GAS2: variants seen among roughly 807,000 people sequenced by gnomAD.
GAS2 encodes the protein growth arrest specific 2, also known as growth arrest-specific protein 2.
Under a neutral mutation model 37.5 loss-of-function variants are expected in GAS2, and 20 were observed. That is an observed-to-expected ratio of 0.53 (90% CI 0.37 to 0.77). The LOEUF (loss-of-function observed/expected upper bound fraction) is 0.77. Ranked by LOEUF, GAS2 falls within the 30% of genes least tolerant of loss-of-function variation. GAS2 has a pLI of 0.00. For missense variants in GAS2, 336 were observed against 373.4 expected (o/e 0.90, Z 0.82); for synonymous variants, 144 against 132.2 (o/e 1.09, Z -0.61).
At chr11:22,784,516 G>C (rs1855732698) in intron 7 of GAS2, among the ~76,000 whole-genome samples, 1 of 152,130 alleles carries the variant, frequency 6.6e-6, no homozygotes, top group African/African-American at 2.4e-5. Flanking sequence ...CTGTAGAATG[G>C]ATATAGAAAT....
intron 7 of GAS2, among the ~76,000 whole-genome samples, chr11:22,793,319 C>A (rs866599977): frequency 1.1e-4 from 17 of 151,866 alleles, no homozygotes; most frequent in Non-Finnish European, 1.6e-4. Context: ...TTAAAAAGAA[C>A]ATAATTACAA....
At chr11:22,700,290 G>T (rs1052658476) in intron 3 of GAS2, among the ~76,000 whole-genome samples, 1 of 152,152 alleles carries the variant, frequency 6.6e-6, no homozygotes, top group Admixed American at 6.5e-5. Context: ...TTTAGATCCA[G>T]AATACTGTTA....
At chr11:22,806,356 C>T (rs917220374) in intron 7 of GAS2, among the ~76,000 whole-genome samples, 1 of 152,112 alleles carries the variant, frequency 6.6e-6, no homozygotes, top group Non-Finnish European at 1.5e-5. Flanking sequence ...CATTAACGGA[C>T]ATGTAGGTTG....
intron 3 of GAS2, 72 bp downstream of exon 3, chr11:22,685,861 A>G: frequency 6.8e-7 from 1 of 1,465,072 alleles, no homozygotes; most frequent in Non-Finnish European, 9.2e-7. Context: ...AATTGTGTGT[A>G]ATTAAAAAAT....
intron 2 of GAS2, among the ~76,000 whole-genome samples, chr11:22,682,749 A>ATGCCTG (rs1849742452): frequency 6.6e-6 from 1 of 151,456 alleles, no homozygotes; most frequent in African/African-American, 2.4e-5. Context: ...ATGGTAGTGC[A>ATGCCTG]TGCCTGTAGT....
At chr11:22,639,829 G>T (rs1462841595) in intron 1 of GAS2, among the ~76,000 whole-genome samples, 4 of 152,118 alleles carry the variant, frequency 2.6e-5, no homozygotes, top group Non-Finnish European at 4.4e-5. Context: ...ATTCTACTTA[G>T]TGTACAGCAG....
intron 7 of GAS2, among the ~76,000 whole-genome samples, chr11:22,786,988 C>G (rs994725638): frequency 6.6e-6 from 1 of 152,086 alleles, no homozygotes. Flanking sequence ...TGAAGTGAGG[C>G]CTGATAATCC....
At chr11:22,724,075 A>G (rs1317161511) in intron 3 of GAS2, among the ~76,000 whole-genome samples, 2 of 151,896 alleles carry the variant, frequency 1.3e-5, no homozygotes, top group African/African-American at 4.8e-5. Flanking sequence ...ACATACTATA[A>G]TCATGTAAAT....
chr11:22,740,300 T>G (rs1853004157), intron 5 of GAS2, among the ~76,000 whole-genome samples: 1 of 152,180 alleles, frequency 6.6e-6, no homozygotes, highest in Non-Finnish European at 1.5e-5. Flanking sequence ...CGCAACCTGA[T>G]AAAAGCAGTG....
chr11:22,663,773 C>T (rs1046129189), upstream of GAS2, among the ~76,000 whole-genome samples: 2 of 152,094 alleles, frequency 1.3e-5, no homozygotes, highest in African/African-American at 4.8e-5. Context: ...ATTTCAGAAA[C>T]AGTCTGTTTT....
intron 5 of GAS2, among the ~76,000 whole-genome samples, chr11:22,747,592 G>T (rs1449020840): frequency 6.6e-6 from 1 of 151,964 alleles, no homozygotes; most frequent in Non-Finnish European, 1.5e-5. Flanking sequence ...GAAAATAAAA[G>T]ACTTGCATGT....
At chr11:22,748,887 A>G (rs1422418707) in intron 5 of GAS2, among the ~76,000 whole-genome samples, 2 of 152,036 alleles carry the variant, frequency 1.3e-5, no homozygotes, top group Non-Finnish European at 2.9e-5. Flanking sequence ...TATTTTTAGT[A>G]TACTATGTGT....
chr11:22,777,121 A>T lies in GAS2; in HGVS notation c.723+21168A>T, dbSNP rs1296113143. Among the ~76,000 whole-genome samples, 3 of 152,096 alleles carry T rather than the reference A, an allele frequency of 2.0e-5. No homozygotes were observed. The East Asian group carries it at 5.8e-4, about 29-fold the overall frequency. On this transcript the variant is annotated intron_variant, in intron 7 of 7. Transcript: ENST00000454584. ...AGGAGAGGCGTACTTGTGAATCTCA[A>T]GTGATCTCTCTAAGATTTGTAAGAC... is the stretch of plus-strand genomic sequence containing the variant.
At chr11:22,762,505 G>A (rs1315846920) in intron 7 of GAS2, among the ~76,000 whole-genome samples, 1 of 152,134 alleles carries the variant, frequency 6.6e-6, no homozygotes, top group Admixed American at 6.5e-5. Context: ...GCTGCCACCT[G>A]TGCATGTCCA....
At chr11:22,712,545 G>C (rs891389675) in intron 3 of GAS2, among the ~76,000 whole-genome samples, 7 of 152,178 alleles carry the variant, frequency 4.6e-5, no homozygotes, top group African/African-American at 1.7e-4. Context: ...AAAACAATCT[G>C]AACAGCAGCG....
At chr11:22,708,492 C>T (rs1041615888) in intron 3 of GAS2, among the ~76,000 whole-genome samples, 25 of 152,046 alleles carry the variant, frequency 1.6e-4, no homozygotes, top group African/African-American at 5.6e-4. Context: ...ATTATTATGC[C>T]ATTTCACAGA....
At chr11:22,642,470 T>C (rs372151962) in intron 1 of GAS2, among the ~76,000 whole-genome samples, 4 of 152,196 alleles carry the variant, frequency 2.6e-5, no homozygotes, top group South Asian at 2.1e-4. Context: ...TAGCAGAACA[T>C]TGACTCAGTA....
chr11:22,673,061 T>C (rs1849268532), intron 1 of GAS2, among the ~76,000 whole-genome samples: 1 of 152,090 alleles, frequency 6.6e-6, no homozygotes, highest in Non-Finnish European at 1.5e-5. Flanking sequence ...ATTTATGGTA[T>C]TTTTTTCAAA....
chr11:22,777,630 G>A (rs907345920), intron 7 of GAS2, among the ~76,000 whole-genome samples: 1 of 152,156 alleles, frequency 6.6e-6, no homozygotes, highest in African/African-American at 2.4e-5. Flanking sequence ...CATGGCAGAG[G>A]AATAGGAAGA....
Sources: allele counts gnomAD v4.1 joint callset (sites outside exome capture counted in the v4.1 genomes callset), GRCh38; gene constraint gnomAD v4.1.1; transcripts MANE v1.5; gene names NCBI Gene and HGNC (gene_info 2026-07-23, HGNC 2026-07-21).